The following RNF41 variants were observed in gnomAD, a reference collection of about 807,000 sequenced individuals.
RNF41 encodes the protein E3 ubiquitin-protein ligase NRDP1.
Under a neutral mutation model 33.0 loss-of-function variants are expected in RNF41, and 4 were observed. The ratio of observed to expected loss-of-function variants is 0.12; its 90% CI spans 0.06 to 0.28. The LOEUF is 0.28. Ranked by LOEUF, RNF41 falls within the 10% of genes least tolerant of loss-of-function variation. RNF41 has a pLI of 1.00. For missense variants in RNF41, 228 were observed against 432.6 expected, an observed-to-expected ratio of 0.53 and a Z score of 4.19; for synonymous variants, 164 against 153.2, an observed-to-expected ratio of 1.07 and a Z score of -0.52.
intron 3 of RNF41, among the ~76,000 whole-genome samples, chr12:56,213,603 G>A (rs1868641690): frequency 6.6e-6 from 1 of 152,164 alleles, no homozygotes; most frequent in Admixed American, 6.6e-5. Context: ...GAGTCCAGAA[G>A]TTCAATCACG....
intron 1 of RNF41, among the ~76,000 whole-genome samples, chr12:56,217,419 T>C (rs1434625619): frequency 6.6e-6 from 1 of 151,514 alleles, no homozygotes. Flanking sequence ...TGGTGGCAGA[T>C]GCCTGTAATC....
In RNF41 at chr12:56,203,207, C is replaced by T. The variant is rs867902973; in HGVS notation, c.*3240G>A. On this transcript the variant is annotated 3_prime_UTR_variant, in exon 7 of 7. Transcript: ENST00000345093. ...TTTCTTTTCTTTTTTTTTTTTGAGA[C>T]AGGCTCTTGCTCTGTCACCAGGCTG... 6 of 151,408 alleles carry T rather than the reference C, an allele frequency of 4.0e-5. No homozygotes were observed. Among genetic ancestry groups the T allele is most frequent in the Middle Eastern group, 3.4e-3 (1 of 292 alleles). 9.4% of individuals were successfully genotyped at this position (151,408 alleles called of 1,614,324 possible).
Position 56,214,471 on chromosome 12 carries a change from G to A in RNF41, c.-23-401C>T, listed in dbSNP as rs1016327715. Among the ~76,000 whole-genome samples, 2 of 149,174 alleles carry A rather than the reference G, an allele frequency of 1.3e-5. 1 individual carries two copies. The highest frequency in any genetic ancestry group is 4.2e-4 in the South Asian group (2 of 4,706). On this transcript the variant is annotated intron_variant, in intron 2 of 6. Coordinates refer to ENST00000345093, the MANE Select transcript of RNF41 (RefSeq NM_005785.4). ...GGAGGCAGAGGTTGCAGTGAGCCGA[G>A]ATCGCGCCACTGCACTCCAGCCTGG...
intron 4 of RNF41, among the ~76,000 whole-genome samples, chr12:56,209,721 T>C (rs973972030): frequency 6.6e-6 from 1 of 151,944 alleles, no homozygotes; most frequent in African/African-American, 2.4e-5. Context: ...CCTCCCAAAG[T>C]GCTGGGATTA....
At chr12:56,220,585 T>C (rs1415179818) in intron 1 of RNF41, among the ~76,000 whole-genome samples, 1 of 151,704 alleles carries the variant, frequency 6.6e-6, no homozygotes, top group African/African-American at 2.4e-5. Context: ...ATACAAAAAA[T>C]TAGCCAGGCA....
rs934944069 is a variant in RNF41 at position 56,204,658 on chromosome 12, T to C, written c.*1789A>G. ...ATCTGAGGGTAAGGACAGGACAGTATGAGCCTTGGTTAAGGCAGGTAGGGG... is the reference window on the plus strand; with the variant it reads ...ATCTGAGGGTAAGGACAGGACAGTACGAGCCTTGGTTAAGGCAGGTAGGGG... On this transcript the variant is annotated 3_prime_UTR_variant, in exon 7 of 7. Transcript: ENST00000345093. 3 of 152,652 alleles carry C rather than the reference T, an allele frequency of 2.0e-5. No individual in the cohort carries two copies. Among genetic ancestry groups the C allele is most frequent in the African/African-American group, 2.4e-5 (1 of 41,416 alleles). 9.5% of individuals were successfully genotyped at this position (152,652 alleles called of 1,614,324 possible). A position where few individuals can be genotyped will look rare whatever the true frequency, so the allele number is the denominator to read the frequency against.
intron 6 of RNF41, chr12:56,207,046 A>G (rs1205303790): frequency 7.8e-7 from 1 of 1,280,630 alleles, no homozygotes; most frequent in Non-Finnish European, 1.0e-6. Flanking sequence ...TGAAATTCCA[A>G]TACTTAGCAC....
chr12:56,213,642 C>T (rs1868644379), intron 3 of RNF41, among the ~76,000 whole-genome samples: 1 of 152,070 alleles, frequency 6.6e-6, no homozygotes, highest in African/African-American at 2.4e-5. Context: ...AGTAAGAGTT[C>T]CTGTAGAGGA....
At position 56,202,249 on chromosome 12, in the gene RNF41, C is replaced by A. The variant is rs1878626737; in HGVS notation, c.*4198G>T. ...TAAGACAATTCCAGGTGCAGTAGCC[C>A]CAGCTACTCCAGAAGCTGAAGTGGG... is the stretch of plus-strand genomic sequence containing the variant. On this transcript the variant is annotated 3_prime_UTR_variant, in exon 7 of 7. Coordinates refer to ENST00000345093, the MANE Select transcript of RNF41 (RefSeq NM_005785.4). 6.6e-6 allele frequency: 1 copy of A among 151,298 alleles called. No homozygotes were observed. The highest frequency in any genetic ancestry group is 1.5e-5 in the Non-Finnish European group (1 of 67,928). 9.4% of individuals were successfully genotyped at this position (151,298 alleles called of 1,614,324 possible).
Position 56,206,287 on chromosome 12 carries a change from G to C in RNF41, c.*160C>G. The C allele has an allele frequency of 1.5e-6, 1 of 672,864 alleles. No homozygotes were observed. The highest frequency in any genetic ancestry group is 2.5e-6 in the Non-Finnish European group (1 of 392,660). 41.7% of individuals were successfully genotyped at this position (672,864 alleles called of 1,614,324 possible). On this transcript the variant is annotated 3_prime_UTR_variant, in exon 7 of 7. Transcript: ENST00000345093. This position sits in a 1 kb window ranked among gnomAD's most constrained non-coding sequence, Gnocchi z 5.7. ...CTGGGTTTCCCACCTGAAAGGCTGA[G>C]CAAACTACCCCAAGGCCCTTCAGTG...
chr12:56,219,653 G>A (rs1869188667), intron 1 of RNF41, among the ~76,000 whole-genome samples: 1 of 13,550 alleles, frequency 7.4e-5, no homozygotes, highest in Non-Finnish European at 1.1e-3. Flanking sequence ...ATGTGTGTGT[G>A]TGTATATATG....
chr12:56,219,661 ATGTG>A (rs771339515), intron 1 of RNF41, among the ~76,000 whole-genome samples: 135,696 of 151,386 alleles, frequency 0.9, 62,642 homozygotes, highest in East Asian at 1. Flanking sequence ...GTGTGTATAT[ATGTG>A]TATATACACG....
At chr12:56,216,866 C>A (rs531836821) in intron 1 of RNF41, among the ~76,000 whole-genome samples, 2 of 152,178 alleles carry the variant, frequency 1.3e-5, no homozygotes, top group Admixed American at 6.5e-5. Flanking sequence ...AGAGGCCGGG[C>A]GTGGTGGCTC....
At position 56,206,745 on chromosome 12, in the gene RNF41, G is replaced by A. The variant is rs2135799202; in HGVS notation, c.656C>T (p.Ser219Leu). Residue 219 changes from serine to leucine, a missense_variant, in exon 7 of 7, where the codon TCG becomes TTG. Physicochemically the swap from Ser to Leu is moderately radical, Grantham distance 145. Around this residue, in one of 2 missense-constraint regions of RNF41, gnomAD observed 199 missense variants for 334.6 expected, o/e 0.59. Coordinates refer to ENST00000345093, the MANE Select transcript of RNF41 (RefSeq NM_005785.4). This position sits in a 1 kb window ranked among gnomAD's most constrained non-coding sequence, Gnocchi z 5.7. ...ARVTRWGGMI[S>L]TPDAVLQAVI... is the part of the protein sequence containing the mutation. Reference sequence around the variant, plus strand: ...AGCCTGGAGCACAGCATCAGGAGTCGAGATCATCCCTCCCCAGCGGGTCAC... The same window carrying A: ...AGCCTGGAGCACAGCATCAGGAGTCAAGATCATCCCTCCCCAGCGGGTCAC... 6.2e-7 allele frequency: 1 copy of A among 1,614,102 alleles called. No individual in the cohort carries two copies. Among genetic ancestry groups the A allele is most frequent in the Non-Finnish European group, 8.5e-7 (1 of 1,180,012 alleles).
At chr12:56,211,047 T>C (rs551931479) in intron 3 of RNF41, among the ~76,000 whole-genome samples, 2 of 151,864 alleles carry the variant, frequency 1.3e-5, no homozygotes, top group South Asian at 4.2e-4. Flanking sequence ...TAGCCAGGGG[T>C]GGTGGCGCAT....
In RNF41 at chr12:56,208,277, C is replaced by T. The variant is rs1228767950; in HGVS notation, c.384G>A (p.Glu128=). 6.2e-7 allele frequency: 1 copy of T among 1,614,134 alleles called. No homozygotes were observed. The change falls in exon 5 of 7, where the codon GAG becomes GAA. Residue 128 remains glutamate (E), a synonymous_variant. Coordinates refer to ENST00000345093, the MANE Select transcript of RNF41 (RefSeq NM_005785.4). ...QGCGLEMPKD[E]LPNHNCIKHL... ...GCTTAATGCAGTTATGGTTGGGCAG[C>T]TCATCTTTGGGCATCTCCAGGCTGC...
At position 56,221,758 on chromosome 12, in the gene RNF41, A is replaced by G. The variant is rs1869474210; in HGVS notation, c.-209+2T>C. ...GGAAGATCGCGCAGGCGCAGTACGC[A>G]CCGCCCTGGAAGCGGCCTGGAGTCT... On this transcript the variant is annotated splice_donor_variant, in intron 1 of 6. Transcript: ENST00000345093. LOFTEE classifies it low-confidence loss of function (5UTR_SPLICE). 6.6e-6 allele frequency: 1 copy of G among 150,400 alleles called. No individual in the cohort carries two copies. The allele number at this position is 150,400 out of a possible 1,614,324, so 9.3% of individuals were successfully genotyped here. A position where few individuals can be genotyped will look rare whatever the true frequency, so the allele number is the denominator to read the frequency against.
At chr12:56,219,343 C>T (rs997487930) in intron 1 of RNF41, among the ~76,000 whole-genome samples, 1 of 151,862 alleles carries the variant, frequency 6.6e-6, no homozygotes, top group African/African-American at 2.4e-5. Context: ...AGGCGCCCGC[C>T]AGGACGCCCA....
At chr12:56,211,792 G>A (rs1159647193) in intron 3 of RNF41, among the ~76,000 whole-genome samples, 2 of 151,142 alleles carry the variant, frequency 1.3e-5, no homozygotes, top group African/African-American at 2.4e-5. Context: ...CTAACATAGC[G>A]AAACCCTGTC....
Sources: gnomAD v4.1 joint callset for allele counts (sites outside exome capture counted in the v4.1 genomes callset) on GRCh38, gnomAD v4.1.1 for gene constraint, gnomAD v4.1.1 regional missense constraint, Gnocchi (gnomAD v3.1) non-coding constraint, MANE v1.5 for transcripts, NCBI Gene and HGNC (gene_info 2026-07-23, HGNC 2026-07-21) for gene names.